The following SHC4 variants were observed in gnomAD, a reference collection of about 807,000 sequenced individuals.
SHC4 encodes SHC-transforming protein 4.
A neutral mutation model predicts 69.4 loss-of-function variants in SHC4; 41 were observed. The ratio of observed to expected loss-of-function variants is 0.59; its 90% confidence interval spans 0.46 to 0.77. SHC4 has a LOEUF of 0.77. Ranked by LOEUF, SHC4 falls within the 30% of genes least tolerant of loss-of-function variation. The pLI is 0.00. For synonymous variants in SHC4, 318 were observed against 299.3 expected (o/e 1.06, Z -0.64); for missense variants, 777 against 783.8 (o/e 0.99, Z 0.10).
intron 6 of SHC4, among the ~76,000 whole-genome samples, chr15:48,862,012 G>A (rs995297708): frequency 7.2e-5 from 11 of 152,100 alleles, no homozygotes; most frequent in African/African-American, 2.7e-4. Flanking sequence ...TCAACCACCA[G>A]ATGGTGCTAT....
At chr15:48,831,397 C>G (rs2140964815) in intron 11 of SHC4, among the ~76,000 whole-genome samples, 1 of 152,284 alleles carries the variant, frequency 6.6e-6, no homozygotes, top group Admixed American at 6.5e-5. Context: ...GTCCTGCAAG[C>G]TTCATTCACA....
At chr15:48,940,229 T>C (rs1212065411) in intron 1 of SHC4, among the ~76,000 whole-genome samples, 1 of 152,210 alleles carries the variant, frequency 6.6e-6, no homozygotes, top group African/African-American at 2.4e-5. Context: ...CTAGTTAAGT[T>C]GAGAATATGA....
At chr15:48,919,316 G>A (rs1375590562) in intron 2 of SHC4, among the ~76,000 whole-genome samples, 2 of 6,212 alleles carry the variant, frequency 3.2e-4, no homozygotes, top group African/African-American at 5.6e-4. Flanking sequence ...TTTTTTTTTT[G>A]TAGAGATGGG....
chr15:48,911,300 C>T (rs1900503997), intron 2 of SHC4, among the ~76,000 whole-genome samples: 1 of 152,072 alleles, frequency 6.6e-6, no homozygotes, highest in African/African-American at 2.4e-5. Context: ...TGGACAATGC[C>T]TTTTACCATT....
chr15:48,908,161 C>T (rs1307258618), intron 2 of SHC4, among the ~76,000 whole-genome samples: 1 of 152,144 alleles, frequency 6.6e-6, no homozygotes, highest in African/African-American at 2.4e-5. Context: ...AGTTTACATT[C>T]CCACCAGCAG....
rs1898655372 is a variant in SHC4, at chr15:48,824,898, G to T, written c.*1073C>A. On this transcript the variant is annotated 3_prime_UTR_variant, in exon 12 of 12. Coordinates refer to ENST00000332408, the MANE Select transcript of SHC4 (RefSeq NM_203349.4). ...TAGTTTACCAGTTGGTCTACATGTG[G>T]AAAATCTTTCCAAGTGCTTCATTCA... 1 of 148,790 alleles carries T rather than the reference G, an allele frequency of 6.7e-6. No individual in the cohort carries two copies. Among genetic ancestry groups the T allele is most frequent in the Admixed American group, 6.9e-5 (1 of 14,508 alleles). 9.2% of individuals were successfully genotyped at this position (148,790 alleles called of 1,614,324 possible). A position where few individuals can be genotyped will look rare whatever the true frequency, so the allele number is the denominator to read the frequency against.
chr15:48,835,381 C>T (rs919422290), intron 10 of SHC4, among the ~76,000 whole-genome samples: 1 of 152,128 alleles, frequency 6.6e-6, no homozygotes, highest in African/African-American at 2.4e-5. Flanking sequence ...TTATGCTGTA[C>T]CTGGATTACA....
intron 8 of SHC4, among the ~76,000 whole-genome samples, 175 bp downstream of exon 8, chr15:48,855,778 G>A (rs556973675): frequency 6.6e-6 from 1 of 152,184 alleles, no homozygotes; most frequent in African/African-American, 2.4e-5. Context: ...ACAATTGGGG[G>A]ATTAGGAGTA....
chr15:48,834,181 C>T (rs1211536200), intron 11 of SHC4, among the ~76,000 whole-genome samples: 1 of 152,224 alleles, frequency 6.6e-6, no homozygotes, highest in Non-Finnish European at 1.5e-5. Context: ...TGTCATTCAT[C>T]TTCTATTGGC....
chr15:48,910,360 A>G (rs1900486309), intron 2 of SHC4, among the ~76,000 whole-genome samples: 1 of 152,124 alleles, frequency 6.6e-6, no homozygotes, highest in African/African-American at 2.4e-5. Flanking sequence ...AGGTGCTCAT[A>G]GTAGCCTTGA....
intron 6 of SHC4, among the ~76,000 whole-genome samples, chr15:48,861,165 C>T (rs1029090698): frequency 1.2e-4 from 18 of 152,302 alleles, no homozygotes; most frequent in Middle Eastern, 3.4e-3. Context: ...TGTCTCACTA[C>T]GTTGCTCAGA....
intron 2 of SHC4, 85 bp from the exon 3 acceptor site, chr15:48,890,896 A>G (rs1900124559): frequency 7.2e-7 from 1 of 1,387,250 alleles, no homozygotes; most frequent in African/African-American, 1.4e-5. Flanking sequence ...AATTATCACG[A>G]CCAAAAAGTA....
At chr15:48,836,014 C>CAA (rs34454801) in intron 10 of SHC4, among the ~76,000 whole-genome samples, 5 of 86,656 alleles carry the variant, frequency 5.8e-5, no homozygotes, top group Non-Finnish European at 1.0e-4. Context: ...CCTGTCTCTA[C>CAA]AAAAAATCCA....
At chr15:48,927,077 G>C (rs1467029750) in intron 1 of SHC4, among the ~76,000 whole-genome samples, 3 of 152,204 alleles carry the variant, frequency 2.0e-5, no homozygotes, top group Admixed American at 2.0e-4. Flanking sequence ...TCAACTGTAA[G>C]TGTTATTAGG....
chr15:48,836,805 C>A (rs987812921), intron 10 of SHC4, among the ~76,000 whole-genome samples: 2 of 152,150 alleles, frequency 1.3e-5, no homozygotes, highest in African/African-American at 4.8e-5. Flanking sequence ...TTGAGGGCTT[C>A]TTTCTGCACA....
At chr15:48,865,311 AAC>A (rs1160612155) in intron 6 of SHC4, among the ~76,000 whole-genome samples, 2 of 152,206 alleles carry the variant, frequency 1.3e-5, no homozygotes, top group Admixed American at 1.3e-4. Context: ...GTATGTTGAG[AAC>A]ACAGTGTCTT....
At chr15:48,844,734 T>C (rs1899055299) in intron 9 of SHC4, among the ~76,000 whole-genome samples, 1 of 152,188 alleles carries the variant, frequency 6.6e-6, no homozygotes, top group Non-Finnish European at 1.5e-5. Flanking sequence ...CAGTTTTCCC[T>C]ATACTGTTCT....
intron 2 of SHC4, among the ~76,000 whole-genome samples, chr15:48,893,447 T>C (rs533400204): frequency 6.6e-6 from 1 of 152,324 alleles, no homozygotes; most frequent in African/African-American, 2.4e-5. Context: ...AAAGCAGCCT[T>C]AGCCAATATG....
At chr15:48,877,791 C>T (rs1899839670) in intron 4 of SHC4, 2 of 184,458 alleles carry the variant, frequency 1.1e-5, no homozygotes, top group African/African-American at 2.4e-5. Flanking sequence ...GTCATCAGTA[C>T]ATCGGTAAAT....
Sources: allele counts gnomAD v4.1 joint callset (sites outside exome capture counted in the v4.1 genomes callset), GRCh38; gene constraint gnomAD v4.1.1; transcripts MANE v1.5; gene names NCBI Gene and HGNC (gene_info 2026-07-23, HGNC 2026-07-21).